MRE11: variants seen among roughly 807,000 people sequenced by gnomAD.
MRE11 encodes the protein double-strand break repair protein MRE11.
Under a neutral mutation model 91.7 loss-of-function variants are expected in MRE11, and 62 were observed. The ratio of observed to expected loss-of-function variants is 0.68; its 90% CI spans 0.55 to 0.84. The LOEUF is 0.84. Ranked by LOEUF, MRE11 falls within the 40% of genes least tolerant of loss-of-function variation. The pLI is 0.00. For missense variants in MRE11, 796 were observed against 852.9 expected, an observed-to-expected ratio of 0.93 and a Z score of 0.83; for synonymous variants, 273 against 271.4, an observed-to-expected ratio of 1.01 and a Z score of -0.06.
chr11:94,470,351 C>A, intron 9 of MRE11, 120 bp downstream of exon 9: 1 of 1,026,780 alleles, frequency 9.7e-7, no homozygotes, highest in South Asian at 1.5e-5. Flanking sequence ...AGTGTCCTTA[C>A]AGGCTTCATG....
chr11:94,501,971 C>G, the MRE11 span, among the ~76,000 whole-genome samples: 1 of 152,030 alleles, frequency 6.6e-6, no homozygotes, highest in Non-Finnish European at 1.5e-5. Flanking sequence ...CTCCAGTCAT[C>G]TTTTATGAAT....
upstream of MRE11, among the ~76,000 whole-genome samples, chr11:94,496,125 G>A (rs913045036): frequency 2.6e-5 from 4 of 151,414 alleles, no homozygotes; most frequent in East Asian, 2.0e-4. Context: ...TATATGTACC[G>A]ATGACAGATT....
At chr11:94,428,660 G>C (rs1945386085) in intron 19 of MRE11, among the ~76,000 whole-genome samples, 1 of 152,052 alleles carries the variant, frequency 6.6e-6, no homozygotes, top group African/African-American at 2.4e-5. Flanking sequence ...TCAGGAGTTT[G>C]AGACCAGCCT....
upstream of MRE11, chr11:94,497,272 A>G (rs1947429234): frequency 2.1e-6 from 1 of 478,322 alleles, no homozygotes; most frequent in African/African-American, 2.0e-5. Flanking sequence ...GTACCTTATT[A>G]CATTATTTTA....
At chr11:94,450,309 C>T (rs143963226) in intron 14 of MRE11, among the ~76,000 whole-genome samples, 1,598 of 152,044 alleles carry the variant, frequency 0.011, 32 homozygotes, top group African/African-American at 0.036. Flanking sequence ...TGATTTTATA[C>T]GACATAACTA....
At chr11:94,511,708 T>A in the MRE11 span, among the ~76,000 whole-genome samples, 1 of 152,352 alleles carries the variant, frequency 6.6e-6, no homozygotes, top group East Asian at 1.9e-4. Flanking sequence ...GCAAGCCTTG[T>A]AGAACGATTT....
intron 6 of MRE11, 43 bp from the exon 7 acceptor site, chr11:94,476,446 C>T (rs201816804): frequency 1.1e-5 from 15 of 1,345,658 alleles, no homozygotes; most frequent in Middle Eastern, 1.9e-4. Flanking sequence ...TTTCTTACTT[C>T]GGCTTAAAAA....
intron 11 of MRE11, among the ~76,000 whole-genome samples, chr11:94,461,673 A>T (rs1946418252): frequency 6.6e-6 from 1 of 152,214 alleles, no homozygotes; most frequent in Non-Finnish European, 1.5e-5. Flanking sequence ...GAGGAAGTCA[A>T]ATTGTCCCTG....
intron 19 of MRE11, among the ~76,000 whole-genome samples, chr11:94,422,076 A>G (rs995634605): frequency 5.9e-5 from 9 of 152,350 alleles, no homozygotes; most frequent in Non-Finnish European, 1.2e-4. Flanking sequence ...AAATAAAAAA[A>G]TAAATGAAAG....
At chr11:94,497,885 G>T (rs187124543), upstream of MRE11, 23 of 554,852 alleles carry the variant, frequency 4.1e-5, no homozygotes, top group Admixed American at 5.2e-4. Context: ...ACACTAACTT[G>T]TTCATTCTTA....
At position 94,479,733 on chromosome 11, in the gene MRE11, T is replaced by C. The variant is rs1487875560; in HGVS notation, c.343A>G (p.Asn115Asp). ...AACACTGGAATTGAAATGTTGAGGT[T>C]GCCATCTTGATAGTTCACCCATGGA... is the stretch of plus-strand genomic sequence containing the variant. ...KFPWVNYQDG[N>D]LNISIPVFSI... The change falls in exon 5 of 20, where the codon AAC becomes GAC. Residue 115 changes from asparagine (N) to aspartate (D), a missense_variant. By Grantham distance (23) the Asn-to-Asp change is conservative. Coordinates refer to ENST00000323929, the MANE Select transcript of MRE11 (RefSeq NM_005591.4). 1.2e-6 allele frequency: 2 copies of C among 1,613,006 alleles called. No homozygotes were observed. The highest frequency in any genetic ancestry group is 1.7e-6 in the Non-Finnish European group (2 of 1,179,778).
Position 94,492,857 on chromosome 11 carries a change from T to TA in MRE11, c.-57dup. Reference sequence around the variant, plus strand: ...AGGTTCTTCTCCAAGAACCCCTGGGTACTGTACTCAAATGTCAGAAAATGC... The same window carrying TA: ...AGGTTCTTCTCCAAGAACCCCTGGGTAACTGTACTCAAATGTCAGAAAATGC... On this transcript the variant is annotated 5_prime_UTR_variant, in exon 2 of 20. Transcript: ENST00000323929. 1.3e-6 allele frequency: 2 copies of TA among 1,532,292 alleles called. No individual in the cohort carries two copies. 94.9% of individuals were successfully genotyped at this position (1,532,292 alleles called of 1,614,324 possible).
chr11:94,502,599 A>C, the MRE11 span, among the ~76,000 whole-genome samples: 1 of 152,240 alleles, frequency 6.6e-6, no homozygotes, highest in South Asian at 2.1e-4. Context: ...ACTTTTAAAT[A>C]TGCTTGCCAT....
intron 6 of MRE11, among the ~76,000 whole-genome samples, chr11:94,478,227 C>G (rs942280683): frequency 2.0e-5 from 3 of 152,076 alleles, no homozygotes; most frequent in African/African-American, 7.2e-5. Flanking sequence ...GATATGATCC[C>G]TAATAACACT....
Position 94,492,834 on chromosome 11 carries a change from G to T in MRE11, c.-33C>A. On this transcript the variant is annotated 5_prime_UTR_variant, in exon 2 of 20. Coordinates refer to ENST00000323929, the MANE Select transcript of MRE11 (RefSeq NM_005591.4). ...GTCAGTCAAGCTCCTCTGGGACCAG[G>T]TTCTTCTCCAAGAACCCCTGGGTAC... is the stretch of plus-strand genomic sequence containing the variant. The T allele has an allele frequency of 6.2e-7, 1 of 1,608,724 alleles. No individual in the cohort carries two copies. Among genetic ancestry groups the T allele is most frequent in the Non-Finnish European group, 8.5e-7 (1 of 1,176,098 alleles).
At position 94,447,302 on chromosome 11, in the gene MRE11, T is replaced by C. The variant is rs1555005345; in HGVS notation, c.1700A>G (p.Asn567Ser). 1.2e-6 allele frequency: 2 copies of C among 1,614,088 alleles called. No homozygotes were observed. Among genetic ancestry groups the C allele is most frequent in the African/African-American group, 1.3e-5 (1 of 75,040 alleles). Reference sequence around the variant, plus strand: ...ACCTCTTCCTCGGCCTCTTCCTTTGTTGGTTGCTGCTGAGATGCTATCATC... The same window carrying C: ...ACCTCTTCCTCGGCCTCTTCCTTTGCTGGTTGCTGCTGAGATGCTATCATC... ...DSDDSISAAT[N>S]KGRGRGRGRR... Residue 567 changes from asparagine (N) to serine (S), a missense_variant, in exon 15 of 20, where the codon AAC becomes AGC. Coordinates refer to ENST00000323929, the MANE Select transcript of MRE11 (RefSeq NM_005591.4).
chr11:94,510,199 C>G, the MRE11 span, among the ~76,000 whole-genome samples: 326 of 152,176 alleles, frequency 2.1e-3, 2 homozygotes, highest in African/African-American at 7.4e-3. Flanking sequence ...TCTATTAAAG[C>G]TATATTTCTT....
At chr11:94,496,523 A>G (rs571835899), upstream of MRE11, 310 of 594,068 alleles carry the variant, frequency 5.2e-4, no homozygotes, top group African/African-American at 3.5e-3. Context: ...GTTTAATTGT[A>G]TATGTTTGCA....
At chr11:94,507,572 T>C in the MRE11 span, among the ~76,000 whole-genome samples, 1 of 152,218 alleles carries the variant, frequency 6.6e-6, no homozygotes, top group African/African-American at 2.4e-5. Flanking sequence ...TCTACCAGTT[T>C]ACACTCTTAG....
Sources: allele counts gnomAD v4.1 joint callset (sites outside exome capture counted in the v4.1 genomes callset), GRCh38; gene constraint gnomAD v4.1.1; transcripts MANE v1.5; gene names NCBI Gene and HGNC (gene_info 2026-07-23, HGNC 2026-07-21).